Variants in AP2A2 observed in about 807,000 individuals in gnomAD.
AP2A2 encodes AP-2 complex subunit alpha-2.
A neutral mutation model predicts 104.2 loss-of-function variants in AP2A2; 32 were observed. That is an observed-to-expected ratio of 0.31 (90% CI 0.23 to 0.41). The LOEUF is 0.41. AP2A2 is among the 10% of genes least tolerant of loss of function. The probability of loss-of-function intolerance (pLI) is 1.00; values close to 1 mark genes in which losing one functional copy is unlikely to be tolerated. For missense variants in AP2A2, 912 were observed against 1,261.0 expected (o/e 0.72, Z 4.19); for synonymous variants, 539 against 533.3 (o/e 1.01, Z -0.15).
At chr11:972,380 T>G in intron 4 of AP2A2, 125 bp downstream of exon 4, 1 of 1,108,120 alleles carries the variant, frequency 9.0e-7, no homozygotes, top group Non-Finnish European at 1.2e-6. Flanking sequence ...AGATGAGATG[T>G]AGCCTAAGGT....
chr11:933,027 C>T (rs758759731), intron 1 of AP2A2, among the ~76,000 whole-genome samples: 2 of 152,246 alleles, frequency 1.3e-5, no homozygotes, highest in East Asian at 1.9e-4. Flanking sequence ...CCCAGCACTT[C>T]GGGAGTCCGA....
chr11:962,372 A>G (rs1854470722), intron 2 of AP2A2, among the ~76,000 whole-genome samples: 2 of 152,212 alleles, frequency 1.3e-5, no homozygotes, highest in African/African-American at 4.8e-5. Flanking sequence ...GGAGGTTTTT[A>G]TAGGTTTCAG....
Position 951,424 on chromosome 11 carries a change from G to A in AP2A2, c.68-8013G>A, listed in dbSNP as rs1445715085. Among the ~76,000 whole-genome samples the A allele has an allele frequency of 3.3e-5, 5 of 152,136 alleles. No individual in the cohort carries two copies. The South Asian group carries it at 1.0e-3, about 32-fold the overall frequency. Reference sequence around the variant, plus strand: ...CGCCTGTAATTCCAGCTACTTGGGAGGCTGAGGCAGGAGAATTGCTTGAAC... The same window carrying A: ...CGCCTGTAATTCCAGCTACTTGGGAAGCTGAGGCAGGAGAATTGCTTGAAC... On this transcript the variant is annotated intron_variant, in intron 1 of 21. Transcript: ENST00000448903.
rs557819271 is a variant in AP2A2, at chr11:984,456, G to A, written c.706-189G>A. On this transcript the variant is annotated intron_variant, in intron 6 of 21. Transcript: ENST00000448903. ...CACTCAGCTGCGGCAGCGTGTTGCC[G>A]AGTGACAGTGCAGCCCTCTCACGGC... is the stretch of plus-strand genomic sequence containing the variant. Among the ~76,000 whole-genome samples the A allele has an allele frequency of 3.9e-4, 59 of 152,240 alleles. No homozygotes were observed. The South Asian group carries it at 3.9e-3, about 10-fold the overall frequency.
chr11:944,109 A>G (rs1380451683), intron 1 of AP2A2, among the ~76,000 whole-genome samples: 2 of 152,220 alleles, frequency 1.3e-5, no homozygotes, highest in East Asian at 3.8e-4. Context: ...TGGCCGGAAT[A>G]GAGCACTCGT....
chr11:992,801 G>A lies in AP2A2; in HGVS notation c.1452+116G>A. 9.1e-7 allele frequency: 1 copy of A among 1,096,358 alleles called. No individual in the cohort carries two copies. Among genetic ancestry groups the A allele is most frequent in the Non-Finnish European group, 1.3e-6 (1 of 744,330 alleles). The allele number at this position is 1,096,358 out of a possible 1,614,324, so 67.9% of individuals were successfully genotyped here. On this transcript the variant is annotated intron_variant, in intron 11 of 21. Transcript: ENST00000448903. The surrounding 1 kb of genome is among the most constrained non-coding windows in gnomAD (Gnocchi z 6.4). ...CCGAGGGCCGTTGCTGACCCCTCTT[G>A]CCCCTCAGCTCTTCCCTGAGGCTCT...
intron 14 of AP2A2, chr11:995,914 A>G (rs2133754032): frequency 6.6e-6 from 1 of 150,792 alleles, no homozygotes; most frequent in East Asian, 2.0e-4. Flanking sequence ...TCTTTCTCCC[A>G]AGGTGGGCGT....
chr11:937,538 G>T (rs1358676710), intron 1 of AP2A2, among the ~76,000 whole-genome samples: 1 of 152,204 alleles, frequency 6.6e-6, no homozygotes. Flanking sequence ...AGCCTAGGAG[G>T]TTGAGGCTGC....
chr11:995,769 T>C (rs1163629139), intron 14 of AP2A2, among the ~76,000 whole-genome samples: 1 of 280 alleles, frequency 3.6e-3, no homozygotes, highest in Non-Finnish European at 7.0e-3. Flanking sequence ...CTCCACCTAG[T>C]GTCCTCTGTG....
rs766218989 is a variant in AP2A2 at position 988,532 on chromosome 11, C to T, written c.1132-20C>T. ...TGTGCCTTGCTCCTGCGACCTCTTACTCTGTGCCTTGTTCCCCAGACTGAG... is the reference window on the plus strand; with the variant it reads ...TGTGCCTTGCTCCTGCGACCTCTTATTCTGTGCCTTGTTCCCCAGACTGAG... On this transcript the variant is annotated intron_variant, in intron 9 of 21. Transcript: ENST00000448903. 3 of 1,607,740 alleles carry T rather than the reference C, an allele frequency of 1.9e-6. No individual in the cohort carries two copies. The highest frequency in any genetic ancestry group is 2.2e-5 in the South Asian group (2 of 91,050).
chr11:969,051 G>C (rs1011795828), intron 2 of AP2A2, among the ~76,000 whole-genome samples: 2 of 151,988 alleles, frequency 1.3e-5, no homozygotes, highest in Non-Finnish European at 1.5e-5. Flanking sequence ...CAGCTGGGCT[G>C]TCTTCCCAGC....
chr11:961,632 T>TGAAAAG, intron 2 of AP2A2, among the ~76,000 whole-genome samples: 1 of 47,466 alleles, frequency 2.1e-5, no homozygotes, highest in South Asian at 4.9e-4. Flanking sequence ...TCTGACAGAG[T>TGAAAAG]TGCCACCAGT....
At chr11:974,229 G>A (rs1049813753) in intron 4 of AP2A2, among the ~76,000 whole-genome samples, 11 of 150,942 alleles carry the variant, frequency 7.3e-5, no homozygotes, top group African/African-American at 2.7e-4. Flanking sequence ...CCCATGAAGG[G>A]AGTGGGTGGC....
rs1189906417 is a variant in AP2A2, at chr11:992,323, C to T, written c.1270-180C>T. The T allele has an allele frequency of 4.4e-6, 3 of 677,050 alleles. No homozygotes were observed. In the East Asian group the frequency reaches 8.1e-5, roughly 18 times the overall value. 41.9% of individuals were successfully genotyped at this position (677,050 alleles called of 1,614,324 possible). On this transcript the variant is annotated intron_variant, in intron 10 of 21. Coordinates refer to ENST00000448903, the MANE Select transcript of AP2A2 (RefSeq NM_012305.4). This position sits in a 1 kb window ranked among gnomAD's most constrained non-coding sequence, Gnocchi z 6.4. Reference sequence around the variant, plus strand: ...GCTTTCTTTGCTTAAGTCAGGGCATCTTAAACTTTCTGGGCTCGTGGGCTT... The same window carrying T: ...GCTTTCTTTGCTTAAGTCAGGGCATTTTAAACTTTCTGGGCTCGTGGGCTT...
At chr11:991,377 A>G (rs1290208980) in intron 10 of AP2A2, among the ~76,000 whole-genome samples, 1 of 152,038 alleles carries the variant, frequency 6.6e-6, no homozygotes, top group East Asian at 1.9e-4. Context: ...GGGCCTCAGG[A>G]GGCATTACAC....
chr11:1,009,489 AT>A (rs1175247697), intron 20 of AP2A2, 92 bp downstream of exon 20: 4 of 1,266,694 alleles, frequency 3.2e-6, no homozygotes. Context: ...CACGCAGCCC[AT>A]GACCCCGCGC....
At chr11:971,600 C>T (rs1026380376) in intron 3 of AP2A2, among the ~76,000 whole-genome samples, 4 of 151,560 alleles carry the variant, frequency 2.6e-5, no homozygotes, top group Non-Finnish European at 4.4e-5. Context: ...TGGAGGGGGG[C>T]GGCATGAGGC....
rs575068819 is a variant in AP2A2, at chr11:926,103, C to A, written c.67+15C>A. The stretch of plus-strand genomic sequence containing the variant: ...TATCCGCAACTGTGAGTGGCGGGGG[C>A]GGCGTGGGGCCGGGGCCGGGGCCGC... On this transcript the variant is annotated intron_variant, in intron 1 of 21. Coordinates refer to ENST00000448903, the MANE Select transcript of AP2A2 (RefSeq NM_012305.4). 246 of 1,290,000 alleles carry A rather than the reference C, an allele frequency of 1.9e-4. 4 individuals carry two copies. The East Asian group carries it at 6.0e-3, about 31-fold the overall frequency. The allele number at this position is 1,290,000 out of a possible 1,614,324, so 79.9% of individuals were successfully genotyped here. A position where few individuals can be genotyped will look rare whatever the true frequency, so the allele number is the denominator to read the frequency against.
intron 2 of AP2A2, among the ~76,000 whole-genome samples, chr11:962,006 G>T (rs566865924): frequency 6.6e-6 from 1 of 152,344 alleles, no homozygotes; most frequent in African/African-American, 2.4e-5. Flanking sequence ...GTAAAGGGCG[G>T]AAGCAGATGG....
Sources: gnomAD v4.1 joint callset for allele counts (sites outside exome capture counted in the v4.1 genomes callset) on GRCh38, gnomAD v4.1.1 for gene constraint, Gnocchi (gnomAD v3.1) non-coding constraint, MANE v1.5 for transcripts, NCBI Gene and HGNC (gene_info 2026-07-23, HGNC 2026-07-21) for gene names.